The following MORN5 variants were observed in gnomAD, a reference collection of about 807,000 sequenced individuals.
The protein encoded by MORN5 is MORN repeat containing 5.
Under a neutral mutation model 22.1 loss-of-function variants are expected in MORN5, and 21 were observed. That is an observed-to-expected ratio of 0.95 (90% confidence interval 0.67 to 1.37). The LOEUF is 1.37. MORN5 is among the 40% of genes most tolerant of loss of function. MORN5 has a pLI of 0.00. For synonymous variants in MORN5, 73 were observed against 74.0 expected (o/e 0.99, Z 0.07); for missense variants, 211 against 215.1 (o/e 0.98, Z 0.12).
At chr9:122,174,363 G>C in intron 3 of MORN5, 133 bp from the exon 4 acceptor site, 1 of 994,152 alleles carries the variant, frequency 1.0e-6, no homozygotes, top group Non-Finnish European at 1.5e-6. Flanking sequence ...TTCTTGCCCT[G>C]AGTAGGGGGT....
chr9:122,196,711 A>G (rs567637448), intron 4 of MORN5, among the ~76,000 whole-genome samples: 2 of 152,352 alleles, frequency 1.3e-5, no homozygotes, highest in African/African-American at 4.8e-5. Flanking sequence ...AAGCGGAAAG[A>G]GAAACTCTCT....
At chr9:122,196,508 A>G (rs1042852131) in intron 4 of MORN5, among the ~76,000 whole-genome samples, 4 of 151,848 alleles carry the variant, frequency 2.6e-5, no homozygotes, top group African/African-American at 9.7e-5. Flanking sequence ...TAATTTTTGT[A>G]TTTTTGTAGA....
intron 4 of MORN5, among the ~76,000 whole-genome samples, chr9:122,187,527 A>G (rs1406716727): frequency 6.6e-6 from 1 of 152,200 alleles, no homozygotes; most frequent in Non-Finnish European, 1.5e-5. Context: ...CACCAAAACC[A>G]GTGCAGGGCT....
chr9:122,166,960 G>A lies in MORN5; in HGVS notation c.195+45G>A, dbSNP rs74490453. 1,166 of 1,569,868 alleles carry A rather than the reference G, an allele frequency of 7.4e-4. 16 individuals are homozygous for A. The East Asian group carries it at 0.023, about 30-fold the overall frequency. On this transcript the variant is annotated intron_variant, in intron 2 of 4. Coordinates refer to ENST00000373764, the MANE Select transcript of MORN5 (RefSeq NM_198469.4). ...GATGCTGTGGAGGAGAGATCCTCACGCAAGAAGAGCCTCACCCTCTGGCAC... is the reference window on the plus strand; with the variant it reads ...GATGCTGTGGAGGAGAGATCCTCACACAAGAAGAGCCTCACCCTCTGGCAC...
chr9:122,189,023 C>T (rs551215622), intron 4 of MORN5, among the ~76,000 whole-genome samples: 17 of 152,088 alleles, frequency 1.1e-4, no homozygotes, highest in Admixed American at 5.2e-4. Flanking sequence ...GGTGAAACCC[C>T]GTCTCTACTA....
At position 122,177,627 on chromosome 9, in the gene MORN5, T is replaced by C. The variant is rs1220529209; in HGVS notation, c.439+3000T>C. 4.6e-5 allele frequency among the ~76,000 whole-genome samples: 7 copies of C among 152,238 alleles called. No homozygotes were observed. In the South Asian group the frequency reaches 1.0e-3, roughly 23 times the overall value. ...TTTGTATTTTTAGTAGAGGCGGGGT[T>C]TTGCCATGTTGGCCGGGCTGGTCTT... On this transcript the variant is annotated intron_variant, in intron 4 of 4. Coordinates refer to ENST00000373764, the MANE Select transcript of MORN5 (RefSeq NM_198469.4).
At chr9:122,189,807 C>T (rs1237729849) in intron 4 of MORN5, among the ~76,000 whole-genome samples, 2 of 152,028 alleles carry the variant, frequency 1.3e-5, no homozygotes, top group Non-Finnish European at 2.9e-5. Flanking sequence ...GGGGTTTCAC[C>T]ATGTTAGACA....
intron 4 of MORN5, among the ~76,000 whole-genome samples, chr9:122,199,557 G>C (rs564226449): frequency 6.6e-6 from 1 of 151,966 alleles, no homozygotes; most frequent in Admixed American, 6.6e-5. Flanking sequence ...GCTGTCGTGC[G>C]TGGGCTGTCA....
At chr9:122,195,851 G>A (rs1028992210) in intron 4 of MORN5, among the ~76,000 whole-genome samples, 2 of 152,048 alleles carry the variant, frequency 1.3e-5, no homozygotes, top group African/African-American at 4.8e-5. Context: ...TCTCCTGCAC[G>A]GATTTGTCTA....
intron 4 of MORN5, among the ~76,000 whole-genome samples, chr9:122,183,933 C>T (rs1298438935): frequency 3.3e-5 from 5 of 152,084 alleles, no homozygotes; most frequent in East Asian, 3.8e-4. Flanking sequence ...AAATCAAAAC[C>T]ACAAGCCTCA....
chr9:122,165,984 A>T (rs1829269906), intron 1 of MORN5, among the ~76,000 whole-genome samples: 1 of 152,108 alleles, frequency 6.6e-6, no homozygotes, highest in Non-Finnish European at 1.5e-5. Context: ...GGCTTAATGG[A>T]CTCACAGTTC....
At chr9:122,187,182 G>A (rs925127390) in intron 4 of MORN5, among the ~76,000 whole-genome samples, 3 of 152,254 alleles carry the variant, frequency 2.0e-5, no homozygotes, top group African/African-American at 7.2e-5. Context: ...AATCACAGTC[G>A]TGATCCTTTT....
intron 4 of MORN5, among the ~76,000 whole-genome samples, chr9:122,191,539 G>A (rs999465295): frequency 7.9e-5 from 12 of 152,188 alleles, no homozygotes; most frequent in East Asian, 1.9e-4. Flanking sequence ...CTAAGTGCCC[G>A]GCCATTGTGA....
In MORN5 at chr9:122,169,685, A is replaced by G; in HGVS notation, c.236A>G (p.Lys79Arg). Residue 79 changes from lysine (K) to arginine (R), a missense_variant, in exon 3 of 5, where the codon AAA (lysine) becomes AGA (arginine). Physicochemically the swap from Lys to Arg is conservative, Grantham distance 26. Coordinates refer to ENST00000373764, the MANE Select transcript of MORN5 (RefSeq NM_198469.4). Reference protein sequence around the residue: ...TFSDGLHYDEKNWHYCDGYDR... With the variant: ...TFSDGLHYDERNWHYCDGYDR... The stretch of plus-strand genomic sequence containing the variant: ...TCAGATGGGCTGCACTATGATGAGA[A>G]AAACTGGCATTACTGCGACGGCTAT... 6.2e-7 allele frequency: 1 copy of G among 1,614,154 alleles called. No individual in the cohort carries two copies. Among genetic ancestry groups the G allele is most frequent in the Non-Finnish European group, 8.5e-7 (1 of 1,180,030 alleles).
intron 1 of MORN5, among the ~76,000 whole-genome samples, chr9:122,162,775 C>T (rs1203037917): frequency 6.6e-6 from 1 of 152,052 alleles, no homozygotes; most frequent in East Asian, 1.9e-4. Flanking sequence ...AAATGCAAAT[C>T]TATGGTGACA....
chr9:122,194,658 G>T (rs1829845347), intron 4 of MORN5, among the ~76,000 whole-genome samples: 1 of 152,130 alleles, frequency 6.6e-6, no homozygotes, highest in South Asian at 2.1e-4. Flanking sequence ...GGGTCTAGTG[G>T]TCAACAAATC....
intron 2 of MORN5, 107 bp downstream of exon 2, chr9:122,167,022 C>A: frequency 8.8e-6 from 9 of 1,021,920 alleles, no homozygotes; most frequent in Non-Finnish European, 1.1e-5. Flanking sequence ...TTGTTCCATT[C>A]ACTCTTCTCT....
intron 4 of MORN5, among the ~76,000 whole-genome samples, chr9:122,181,664 G>A (rs1162539367): frequency 2.6e-5 from 4 of 152,172 alleles, no homozygotes; most frequent in African/African-American, 9.7e-5. Context: ...TTAAAAGCCT[G>A]GGGCCTGGAA....
At chr9:122,173,030 A>G (rs902218595) in intron 3 of MORN5, among the ~76,000 whole-genome samples, 2 of 152,134 alleles carry the variant, frequency 1.3e-5, no homozygotes, top group African/African-American at 4.8e-5. Context: ...CTTCACCCCA[A>G]TTAAGGCTGT....
Sources: allele counts gnomAD v4.1 joint callset (sites outside exome capture counted in the v4.1 genomes callset), GRCh38; gene constraint gnomAD v4.1.1; transcripts MANE v1.5; gene names NCBI Gene and HGNC (gene_info 2026-07-23, HGNC 2026-07-21).